Variants in IQGAP2 observed in about 807,000 individuals in gnomAD.
IQGAP2 encodes the protein ras GTPase-activating-like protein IQGAP2.
IQGAP2 carries 173 observed loss-of-function variants against 201.3 expected under a neutral mutation model. The observed-to-expected ratio is 0.86, with a 90% CI of 0.76 to 0.98. The LOEUF (loss-of-function observed/expected upper bound fraction) is 0.98, where lower values mean the gene tolerates loss of function less well. IQGAP2 is among the 50% of genes least tolerant of loss of function. The probability of loss-of-function intolerance (pLI) is 0.00; values close to 1 mark genes in which losing one functional copy is unlikely to be tolerated. For synonymous variants in IQGAP2, 675 were observed against 673.9 expected, an observed-to-expected ratio of 1.00 and a Z score of -0.03; for missense variants, 1,687 against 1,864.8, an observed-to-expected ratio of 0.90 and a Z score of 1.76.
At chr5:76,630,285 G>A (rs1364753434) in intron 14 of IQGAP2, among the ~76,000 whole-genome samples, 1 of 152,144 alleles carries the variant, frequency 6.6e-6, no homozygotes, top group Non-Finnish European at 1.5e-5. Flanking sequence ...CACAGTCCTT[G>A]AAAATAACAC....
At chr5:76,556,581 A>C (rs575938595) in intron 2 of IQGAP2, among the ~76,000 whole-genome samples, 1 of 152,208 alleles carries the variant, frequency 6.6e-6, no homozygotes, top group South Asian at 2.1e-4. Context: ...TAAAAAATCA[A>C]TCCAAAGGCT....
chr5:76,595,798 G>A (rs555446521), intron 9 of IQGAP2, among the ~76,000 whole-genome samples: 5 of 150,594 alleles, frequency 3.3e-5, no homozygotes, highest in South Asian at 2.1e-4. Context: ...GAGAGAGAGA[G>A]AAAACAGTGT....
intron 2 of IQGAP2, among the ~76,000 whole-genome samples, chr5:76,525,959 A>G (rs1166220424): frequency 6.6e-6 from 1 of 152,246 alleles, no homozygotes; most frequent in East Asian, 1.9e-4. Flanking sequence ...TGGGTGGTCC[A>G]TACATTCATA....
chr5:76,471,373 A>AAAC (rs1554058993), intron 2 of IQGAP2, among the ~76,000 whole-genome samples: 4,280 of 107,520 alleles, frequency 0.04, 237 homozygotes, highest in African/African-American at 0.13. Context: ...GCAAAAAAAA[A>AAAC]AAAAAAAAAA....
rs1750023823 is a variant in IQGAP2 at position 76,624,335 on chromosome 5, C to T, written c.1522-3075C>T. The T allele has an allele frequency of 2.6e-5, 4 of 152,244 alleles. No individual in the cohort carries two copies. The South Asian group carries it at 8.3e-4, about 32-fold the overall frequency. The allele number at this position is 152,244 out of a possible 1,614,324, so 9.4% of individuals were successfully genotyped here. A position where few individuals can be genotyped will look rare whatever the true frequency, so the allele number is the denominator to read the frequency against. On this transcript the variant is annotated intron_variant, in intron 13 of 35. Transcript: ENST00000274364. Reference sequence around the variant, plus strand: ...AAACTTAAACTTGAAGCCTGACCATCCCACAGCCTGCTCTTTACAAAATGC... The same window carrying T: ...AAACTTAAACTTGAAGCCTGACCATTCCACAGCCTGCTCTTTACAAAATGC...
At chr5:76,457,050 C>T (rs560495246) in intron 1 of IQGAP2, among the ~76,000 whole-genome samples, 5 of 152,120 alleles carry the variant, frequency 3.3e-5, no homozygotes, top group Admixed American at 2.6e-4. Context: ...AATACAGTGG[C>T]GCGATCATAG....
intron 5 of IQGAP2, 93 bp from the exon 6 acceptor site, chr5:76,588,813 T>G: frequency 1.5e-6 from 1 of 674,012 alleles, no homozygotes; most frequent in South Asian, 2.2e-5. Context: ...CTTAGGTCTT[T>G]TCAACTGAAA....
At chr5:76,667,553 C>G (rs1743891948) in intron 22 of IQGAP2, among the ~76,000 whole-genome samples, 1 of 152,180 alleles carries the variant, frequency 6.6e-6, no homozygotes, top group African/African-American at 2.4e-5. Context: ...AGCCACATCA[C>G]CATGAAGGCT....
chr5:76,530,704 C>T (rs1759245358), intron 2 of IQGAP2, among the ~76,000 whole-genome samples: 1 of 152,190 alleles, frequency 6.6e-6, no homozygotes, highest in Admixed American at 6.5e-5. Flanking sequence ...CTTTATTCTC[C>T]ATGTGTCAGT....
chr5:76,605,505 T>G (rs1423037393), intron 11 of IQGAP2, among the ~76,000 whole-genome samples: 1 of 152,100 alleles, frequency 6.6e-6, no homozygotes, highest in Non-Finnish European at 1.5e-5. Context: ...AAGAGAGATT[T>G]TTGAGTATTG....
At chr5:76,551,219 G>A (rs896537903) in intron 2 of IQGAP2, among the ~76,000 whole-genome samples, 26 of 151,248 alleles carry the variant, frequency 1.7e-4, no homozygotes, top group African/African-American at 6.1e-4. Flanking sequence ...GGTCGGGGCC[G>A]GGCAGAGGCA....
At chr5:76,536,771 A>AT (rs1300822120) in intron 2 of IQGAP2, among the ~76,000 whole-genome samples, 1 of 152,306 alleles carries the variant, frequency 6.6e-6, no homozygotes, top group African/African-American at 2.4e-5. Flanking sequence ...CAAAAAAAAA[A>AT]AAAAAAATTT....
chr5:76,547,527 T>A (rs1263235793), intron 2 of IQGAP2: 2 of 445,692 alleles, frequency 4.5e-6, no homozygotes, highest in Non-Finnish European at 5.9e-6. Context: ...GTGTTAAAAG[T>A]GCAAGAACAG....
At chr5:76,496,769 CTTT>C (rs1561416675) in intron 2 of IQGAP2, among the ~76,000 whole-genome samples, 1 of 72,882 alleles carries the variant, frequency 1.4e-5, no homozygotes, top group East Asian at 3.9e-4. Flanking sequence ...TTCTTTCTTT[CTTT>C]CTTTCTTTCT....
intron 2 of IQGAP2, among the ~76,000 whole-genome samples, chr5:76,496,787 TTCTTTC>T (rs1424940177): frequency 1.3e-4 from 18 of 135,754 alleles, no homozygotes; most frequent in East Asian, 6.1e-4. Flanking sequence ...CTTTCTTTCT[TTCTTTC>T]TCTTTCTTTC....
chr5:76,696,764 T>C (rs10036832), intron 32 of IQGAP2, among the ~76,000 whole-genome samples: 49,878 of 151,942 alleles, frequency 0.33, 8,338 homozygotes, highest in Non-Finnish European at 0.35. Flanking sequence ...ATGGGGTAGA[T>C]AAATATATGC....
At chr5:76,541,982 G>A (rs756009126) in intron 2 of IQGAP2, among the ~76,000 whole-genome samples, 12 of 152,124 alleles carry the variant, frequency 7.9e-5, no homozygotes, top group African/African-American at 1.7e-4. Context: ...TTTTGTGTGC[G>A]TGTATGTGTG....
chr5:76,666,834 C>T (rs1240760031), intron 22 of IQGAP2, among the ~76,000 whole-genome samples: 5 of 152,158 alleles, frequency 3.3e-5, no homozygotes, highest in African/African-American at 1.2e-4. Context: ...GCCTTCATCT[C>T]CTGGGCTCAA....
chr5:76,681,688 G>A (rs943567138), intron 28 of IQGAP2, among the ~76,000 whole-genome samples: 5 of 151,952 alleles, frequency 3.3e-5, no homozygotes, highest in Admixed American at 1.3e-4. Flanking sequence ...ATGGCGGCAC[G>A]ATCAATTAAA....
Sources: gnomAD v4.1 joint callset for allele counts (sites outside exome capture counted in the v4.1 genomes callset) on GRCh38, gnomAD v4.1.1 for gene constraint, MANE v1.5 for transcripts, NCBI Gene and HGNC (gene_info 2026-07-23, HGNC 2026-07-21) for gene names.